APLP2: variants seen among roughly 807,000 people sequenced by gnomAD.
APLP2 encodes CDEI box-binding protein.
APLP2 carries 53 observed loss-of-function variants against 89.9 expected under a neutral mutation model. The observed-to-expected ratio is 0.59, with a 90% CI of 0.47 to 0.74. APLP2 has a LOEUF of 0.74. APLP2 is among the 30% of genes least tolerant of loss of function. APLP2 has a pLI of 0.00. For synonymous variants in APLP2, 372 were observed against 348.6 expected (o/e 1.07, Z -0.75); for missense variants, 973 against 975.9 (o/e 1.00, Z 0.04).
rs1307905451 is a variant in APLP2 at position 130,123,224 on chromosome 11, G to A, written c.923-388G>A. Among the ~76,000 whole-genome samples the A allele has an allele frequency of 6.6e-6, 1 of 152,114 alleles. No individual in the cohort carries two copies. On this transcript the variant is annotated intron_variant, in intron 6 of 16. Coordinates refer to ENST00000338167, the MANE Select transcript of APLP2 (RefSeq NM_001142276.2). The surrounding 1 kb of genome is among the most constrained non-coding windows in gnomAD (Gnocchi z 4.0). ...CGTTCTAGGTGCTTGTCTTTACTAC[G>A]GGTATCACCACTTAAAGCAGCCTTT...
Position 130,141,428 on chromosome 11 carries a change from A to G in APLP2, c.1924-70A>G. On this transcript the variant is annotated intron_variant, in intron 14 of 16. Coordinates refer to ENST00000338167, the MANE Select transcript of APLP2 (RefSeq NM_001142276.2). This position sits in a 1 kb window ranked among gnomAD's most constrained non-coding sequence, Gnocchi z 4.2. The stretch of plus-strand genomic sequence containing the variant: ...CCATCAAGCAGCAGGTAGCAGAGGA[A>G]GGAGGCAGTAAATACCAAACTCCCC... 1 of 1,259,474 alleles carries G rather than the reference A, an allele frequency of 7.9e-7. No individual in the cohort carries two copies. The highest frequency in any genetic ancestry group is 1.2e-6 in the Non-Finnish European group (1 of 860,808). The allele number at this position is 1,259,474 out of a possible 1,614,324, so 78.0% of individuals were successfully genotyped here. A position where few individuals can be genotyped will look rare whatever the true frequency, so the allele number is the denominator to read the frequency against.
intron 1 of APLP2, among the ~76,000 whole-genome samples, chr11:130,090,247 C>CTTTTTTTTTTTTT (rs539249012): frequency 1.2e-5 from 1 of 86,110 alleles, no homozygotes; most frequent in African/African-American, 4.3e-5. Context: ...CTAGCTCTGT[C>CTTTTTTTTTTTTT]TTTTTTTTTT....
At chr11:130,138,272 CT>C (rs1314805037) in intron 13 of APLP2, among the ~76,000 whole-genome samples, 2 of 152,214 alleles carry the variant, frequency 1.3e-5, no homozygotes, top group African/African-American at 4.8e-5. Flanking sequence ...ACAGGTTATT[CT>C]CAGAACACAA....
Position 130,119,243 on chromosome 11 carries a change from C to T in APLP2, c.404-1463C>T, listed in dbSNP as rs1949551192. Among the ~76,000 whole-genome samples the T allele has an allele frequency of 2.6e-5, 4 of 152,204 alleles. 1 individual carries two copies. In the South Asian group the frequency reaches 8.3e-4, roughly 32 times the overall value. ...TGCATCTTCCTGCCACTGCTTCCTG[C>T]ATCTCTTCCTGGGCTAAGCACCCTT... On this transcript the variant is annotated intron_variant, in intron 3 of 16. Coordinates refer to ENST00000338167, the MANE Select transcript of APLP2 (RefSeq NM_001142276.2).
At chr11:130,122,609 GGAAAGGTGTGGTACCTCTGCACT>G in intron 6 of APLP2, 96 bp downstream of exon 6, 1 of 1,546,566 alleles carries the variant, frequency 6.5e-7, no homozygotes, top group Non-Finnish European at 8.7e-7. Context: ...AGTCACAGAA[GGAAAGGTGTGGTACCTCTGCACT>G]GAAGGTGAGT....
At chr11:130,070,512 G>T (rs1940774813) in intron 1 of APLP2, 1 of 1,220,086 alleles carries the variant, frequency 8.2e-7, no homozygotes, top group African/African-American at 1.6e-5. Flanking sequence ...ACGCTCCCTC[G>T]CGCGGCACCG....
chr11:130,121,037 G>C (rs1949751240), intron 4 of APLP2, among the ~76,000 whole-genome samples: 1 of 152,186 alleles, frequency 6.6e-6, no homozygotes, highest in South Asian at 2.1e-4. Context: ...CTGAAGTTGA[G>C]GATGTTAAGG....
intron 1 of APLP2, among the ~76,000 whole-genome samples, chr11:130,083,343 T>G (rs1943566105): frequency 6.7e-6 from 1 of 148,448 alleles, no homozygotes; most frequent in South Asian, 2.1e-4. Flanking sequence ...CCTTAAAACA[T>G]TTTTTTTTTG....
At position 130,143,929 on chromosome 11, in the gene APLP2, A is replaced by G; in HGVS notation, c.*481A>G. ...TCCCTTTTTAAATGAGCTTTCAGGA[A>G]GTTGCTGAGAAATGGGGTGGAATAG... On this transcript the variant is annotated 3_prime_UTR_variant, in exon 17 of 17. Coordinates refer to ENST00000338167, the MANE Select transcript of APLP2 (RefSeq NM_001142276.2). The G allele has an allele frequency of 6.4e-6, 1 of 156,108 alleles. No homozygotes were observed. The highest frequency in any genetic ancestry group is 1.4e-5 in the Non-Finnish European group (1 of 70,572). The allele number at this position is 156,108 out of a possible 1,614,324, so 9.7% of individuals were successfully genotyped here. A position where few individuals can be genotyped will look rare whatever the true frequency, so the allele number is the denominator to read the frequency against.
intron 3 of APLP2, among the ~76,000 whole-genome samples, chr11:130,115,547 A>AG: frequency 6.6e-6 from 1 of 152,372 alleles, no homozygotes; most frequent in South Asian, 2.1e-4. Flanking sequence ...AATATTGTAT[A>AG]GGTTAGGTTT....
At position 130,127,754 on chromosome 11, in the gene APLP2, C is replaced by T. The variant is rs1158416183; in HGVS notation, c.1222-12C>T. ...TAATCACTGCTGACGGCGTTTTTGA[C>T]CTTTGTTCTAGGTAAAGAAGGAATG... On this transcript the variant is annotated splice_polypyrimidine_tract_variant and intron_variant, in intron 8 of 16. Coordinates refer to ENST00000338167, the MANE Select transcript of APLP2 (RefSeq NM_001142276.2). The T allele has an allele frequency of 6.2e-7, 1 of 1,613,718 alleles. No individual in the cohort carries two copies. Among genetic ancestry groups the T allele is most frequent in the Non-Finnish European group, 8.5e-7 (1 of 1,179,696 alleles).
chr11:130,141,275 C>T lies in APLP2; in HGVS notation c.1924-223C>T, dbSNP rs989343809. On this transcript the variant is annotated intron_variant, in intron 14 of 16. Transcript: ENST00000338167. This position sits in a 1 kb window ranked among gnomAD's most constrained non-coding sequence, Gnocchi z 4.2. ...ACGGTTACTTGAAGGAAAATGCATACGGGACCAGCTGCCATAATATAGTCT... is the reference window on the plus strand; with the variant it reads ...ACGGTTACTTGAAGGAAAATGCATATGGGACCAGCTGCCATAATATAGTCT... 26 of 537,478 alleles carry T rather than the reference C, an allele frequency of 4.8e-5. No individual in the cohort carries two copies. The highest frequency in any genetic ancestry group is 1.3e-4 in the East Asian group (4 of 31,972). 33.3% of individuals were successfully genotyped at this position (537,478 alleles called of 1,614,324 possible).
At position 130,123,875 on chromosome 11, in the gene APLP2, T is replaced by TG. The variant is rs1950103628; in HGVS notation, c.1090+97dup. Reference sequence around the variant, plus strand: ...CGTGGCTGCATCTGTGTGGTGTCCCTGCCCACTCGGGTGTTTGCTGTCGGT... The same window carrying TG: ...CGTGGCTGCATCTGTGTGGTGTCCCTGGCCCACTCGGGTGTTTGCTGTCGGT... On this transcript the variant is annotated intron_variant, in intron 7 of 16. Transcript: ENST00000338167. The surrounding 1 kb of genome is among the most constrained non-coding windows in gnomAD (Gnocchi z 4.0). The TG allele has an allele frequency of 7.3e-7, 1 of 1,378,930 alleles. No homozygotes were observed. Among genetic ancestry groups the TG allele is most frequent in the Non-Finnish European group, 1.0e-6 (1 of 994,524 alleles). 85.4% of individuals were successfully genotyped at this position (1,378,930 alleles called of 1,614,324 possible). A position where few individuals can be genotyped will look rare whatever the true frequency, so the allele number is the denominator to read the frequency against.
chr11:130,114,080 C>G (rs1439871291), intron 3 of APLP2, among the ~76,000 whole-genome samples: 1 of 152,188 alleles, frequency 6.6e-6, no homozygotes. Context: ...GTATAATCAT[C>G]AAAAATCAAG....
intron 1 of APLP2, among the ~76,000 whole-genome samples, chr11:130,080,103 A>C (rs1942899010): frequency 6.6e-6 from 1 of 152,218 alleles, no homozygotes; most frequent in Non-Finnish European, 1.5e-5. Flanking sequence ...CCTCTTTGCT[A>C]ATAAGTGAGT....
chr11:130,079,148 G>T (rs898795854), intron 1 of APLP2, among the ~76,000 whole-genome samples: 3 of 151,668 alleles, frequency 2.0e-5, no homozygotes, highest in Non-Finnish European at 2.9e-5. Flanking sequence ...ACCCAGGCTG[G>T]AGTGCAGTGG....
chr11:130,115,641 T>C (rs1272771709), intron 3 of APLP2, among the ~76,000 whole-genome samples: 1 of 152,274 alleles, frequency 6.6e-6, no homozygotes, highest in Non-Finnish European at 1.5e-5. Context: ...GGCAATTATA[T>C]TATACTCCGC....
chr11:130,115,640 A>AT (rs1482731461), intron 3 of APLP2, among the ~76,000 whole-genome samples: 1 of 152,258 alleles, frequency 6.6e-6, no homozygotes, highest in Non-Finnish European at 1.5e-5. Flanking sequence ...TGGCAATTAT[A>AT]TTATACTCCG....
chr11:130,094,478 C>T (rs186723570), intron 1 of APLP2, among the ~76,000 whole-genome samples: 18 of 152,220 alleles, frequency 1.2e-4, no homozygotes, highest in East Asian at 1.9e-4. Flanking sequence ...CGTGAGCCAC[C>T]GCACCTGGCC....
Sources: allele counts gnomAD v4.1 joint callset (sites outside exome capture counted in the v4.1 genomes callset), GRCh38; gene constraint gnomAD v4.1.1; non-coding constraint Gnocchi (gnomAD v3.1); transcripts MANE v1.5; gene names NCBI Gene and HGNC (gene_info 2026-07-23, HGNC 2026-07-21).